The following ABCB7 variants were observed in gnomAD, a reference collection of about 807,000 sequenced individuals.
ABCB7 encodes ATP binding cassette subfamily B member 7.
A neutral mutation model predicts 54.4 loss-of-function variants in ABCB7; 7 were observed. The observed-to-expected ratio is 0.13, with a 90% CI of 0.07 to 0.24. ABCB7 has a LOEUF of 0.24. Among genes scored for constraint, ABCB7 ranks in the 10% least tolerant of loss-of-function variants. ABCB7 has a pLI of 1.00. For synonymous variants in ABCB7, 218 were observed against 207.1 expected, an observed-to-expected ratio of 1.05 and a Z score of -0.45; for missense variants, 356 against 570.4, an observed-to-expected ratio of 0.62 and a Z score of 3.83.
intron 1 of ABCB7, among the ~76,000 whole-genome samples, chrX:75,122,293 C>T (rs1166993419): frequency 5.4e-5 from 6 of 112,068 alleles, no homozygotes; most frequent in East Asian, 2.8e-4. Flanking sequence ...CACCCACCAG[C>T]GCCATGACAG....
chrX:75,154,139 C>T (rs947709124), intron 1 of ABCB7, among the ~76,000 whole-genome samples: 3 of 110,986 alleles, frequency 2.7e-5, no homozygotes, highest in Admixed American at 1.9e-4. Context: ...CTTTAAGAAA[C>T]AGAAAACAAA....
intron 4 of ABCB7, among the ~76,000 whole-genome samples, chrX:75,095,082 A>G (rs1241864306): frequency 9.1e-6 from 1 of 110,389 alleles, no homozygotes; most frequent in East Asian, 2.9e-4. Context: ...TAAAAAGTAA[A>G]TAAGCAAGCA....
chrX:75,119,679 C>A (rs779409287), intron 1 of ABCB7, among the ~76,000 whole-genome samples: 2 of 111,516 alleles, frequency 1.8e-5, no homozygotes, highest in Non-Finnish European at 3.8e-5. Flanking sequence ...TGGTATTTGG[C>A]TTTCTTTGGG....
chrX:75,098,814 T>G (rs1031085442), intron 4 of ABCB7, 128 bp downstream of exon 4: 1 of 802,288 alleles, frequency 1.2e-6, no homozygotes, highest in Non-Finnish European at 1.8e-6. Context: ...AATAATTATG[T>G]AAACTAAATG....
chrX:75,077,383 CATG>C (rs1478781252), intron 4 of ABCB7, among the ~76,000 whole-genome samples: 2 of 111,985 alleles, frequency 1.8e-5, no homozygotes, highest in African/African-American at 3.2e-5. Flanking sequence ...AAATTAGAAG[CATG>C]ATGTTTTCAT....
chrX:75,138,985 C>T (rs1283143757), intron 1 of ABCB7, among the ~76,000 whole-genome samples: 1 of 84,960 alleles, frequency 1.2e-5, no homozygotes, highest in Non-Finnish European at 2.2e-5. Flanking sequence ...GTCAGCAGGG[C>T]GACAGAACGA....
intron 1 of ABCB7, among the ~76,000 whole-genome samples, chrX:75,136,348 CACAA>C (rs1314146917): frequency 9.0e-6 from 1 of 110,971 alleles, no homozygotes; most frequent in Non-Finnish European, 1.9e-5. Context: ...TCAGAGATGG[CACAA>C]ACAAATGGAA....
chrX:75,087,854 C>T (rs2081511617), intron 4 of ABCB7, among the ~76,000 whole-genome samples: 1 of 111,691 alleles, frequency 9.0e-6, no homozygotes, highest in African/African-American at 3.2e-5. Context: ...ACTTGTTTTA[C>T]CTTATTTCAT....
Position 75,138,272 on chromosome X carries a change from GA to G in ABCB7, c.168+17832del, listed in dbSNP as rs766155361. 3.4e-3 allele frequency among the ~76,000 whole-genome samples: 371 copies of G among 108,591 alleles called. 2 individuals carry two copies. The highest frequency in any genetic ancestry group is 0.012 in the African/African-American group (348 of 29,770). The allele number at this position is 108,591 out of a possible 115,157, so 94.3% of individuals were successfully genotyped here. ...CACACACACACGTGTTCCAACAGAA[GA>G]AAAAAAGTATGTATTATGAAGCTGT... On this transcript the variant is annotated intron_variant, in intron 1 of 15. Transcript: ENST00000373394.
chrX:75,083,671 A>G (rs2081474188), intron 4 of ABCB7, among the ~76,000 whole-genome samples: 1 of 109,702 alleles, frequency 9.1e-6, no homozygotes, highest in Non-Finnish European at 1.9e-5. Flanking sequence ...AAGTTGGAAG[A>G]ATCATCCTAC....
At chrX:75,141,183 G>A (rs1003024793) in intron 1 of ABCB7, among the ~76,000 whole-genome samples, 7 of 111,770 alleles carry the variant, frequency 6.3e-5, no homozygotes, top group Admixed American at 2.9e-4. Context: ...CAGCTGCTTC[G>A]CTGAGAAACT....
intron 4 of ABCB7, among the ~76,000 whole-genome samples, chrX:75,093,528 A>G (rs374609974): frequency 9.0e-6 from 1 of 111,133 alleles, no homozygotes; most frequent in Admixed American, 9.6e-5. Flanking sequence ...CAAAAACCAT[A>G]TAACTGTACA....
At chrX:75,146,386 A>G (rs1347216141) in intron 1 of ABCB7, among the ~76,000 whole-genome samples, 3 of 112,110 alleles carry the variant, frequency 2.7e-5, no homozygotes. Flanking sequence ...AAAAGAATGA[A>G]GCTGGAGGTA....
At chrX:75,091,938 G>T (rs2081547599) in intron 4 of ABCB7, among the ~76,000 whole-genome samples, 1 of 111,505 alleles carries the variant, frequency 9.0e-6, no homozygotes, top group African/African-American at 3.2e-5. Flanking sequence ...CTAAATAAAT[G>T]GAGAGATACT....
chrX:75,126,082 G>A (rs1032815925), intron 1 of ABCB7, among the ~76,000 whole-genome samples: 2 of 111,340 alleles, frequency 1.8e-5, no homozygotes, highest in Non-Finnish European at 3.8e-5. Context: ...AGCATTTTAA[G>A]AGCTAACTTT....
intron 1 of ABCB7, among the ~76,000 whole-genome samples, chrX:75,123,341 T>C (rs764463631): frequency 1.8e-5 from 2 of 111,954 alleles, no homozygotes; most frequent in Non-Finnish European, 3.8e-5. Context: ...GTTGAATGTA[T>C]ATGGATGGGT....
chrX:75,079,805 CA>C (rs2081441076), intron 4 of ABCB7, among the ~76,000 whole-genome samples: 1 of 111,540 alleles, frequency 9.0e-6, no homozygotes, highest in African/African-American at 3.3e-5. Flanking sequence ...AATCAACATA[CA>C]AAACTATTCC....
intron 14 of ABCB7, 119 bp downstream of exon 14, chrX:75,062,209 G>A: frequency 3.4e-6 from 2 of 595,765 alleles, no homozygotes; most frequent in Non-Finnish European, 5.4e-6. Context: ...TAGGCATTTT[G>A]CTCTATAGCA....
chrX:75,078,508 C>T (rs2081429946), intron 4 of ABCB7, among the ~76,000 whole-genome samples: 1 of 111,208 alleles, frequency 9.0e-6, no homozygotes, highest in Admixed American at 9.6e-5. Context: ...TATCTATCAC[C>T]CAAATAATGT....
Sources: allele counts gnomAD v4.1 joint callset (sites outside exome capture counted in the v4.1 genomes callset), GRCh38; gene constraint gnomAD v4.1.1; transcripts MANE v1.5; gene names NCBI Gene and HGNC (gene_info 2026-07-23, HGNC 2026-07-21).